Variants in PEX5L observed in about 807,000 individuals in gnomAD.
PEX5L encodes the protein peroxisomal biogenesis factor 5 like.
In PEX5L, 30 loss-of-function variants were observed where a neutral mutation model predicts 84.0. That is an observed-to-expected ratio of 0.36 (90% CI 0.27 to 0.48). PEX5L has a LOEUF of 0.48. Among genes scored for constraint, PEX5L ranks in the 20% least tolerant of loss-of-function variants. The pLI, the probability that PEX5L is intolerant of heterozygous loss-of-function variation, is 0.99. For missense variants in PEX5L, 533 were observed against 754.6 expected (o/e 0.71, Z 3.44); for synonymous variants, 270 against 283.1 (o/e 0.95, Z 0.46).
At position 180,015,668 on chromosome 3, in the gene PEX5L, T is replaced by C. The variant is rs540068162; in HGVS notation, c.21+20911A>G. Among the ~76,000 whole-genome samples, 5 of 152,092 alleles carry C rather than the reference T, an allele frequency of 3.3e-5. No homozygotes were observed. In the South Asian group the frequency reaches 1.0e-3, roughly 32 times the overall value. ...CTGAGAGGATGGCCATGGTTATTCA[T>C]GAACTAGAATTTCAGAGTTAGAGAG... On this transcript the variant is annotated intron_variant, in intron 1 of 14. Coordinates refer to ENST00000467460, the MANE Select transcript of PEX5L (RefSeq NM_016559.3).
In PEX5L at chr3:179,944,962, C is replaced by A. The variant is rs192956864; in HGVS notation, c.93+26632G>T. On this transcript the variant is annotated intron_variant, in intron 2 of 14. Transcript: ENST00000467460. Reference sequence around the variant, plus strand: ...CGCTTCACAAGGCAAGGTTGCCTGTCAATATGTTTATTTCTTGATAGCAGG... The same window carrying A: ...CGCTTCACAAGGCAAGGTTGCCTGTAAATATGTTTATTTCTTGATAGCAGG... Among the ~76,000 whole-genome samples the A allele has an allele frequency of 5.3e-5, 8 of 152,294 alleles. No homozygotes were observed. The East Asian group carries it at 1.5e-3, about 29-fold the overall frequency.
intron 10 of PEX5L, among the ~76,000 whole-genome samples, chr3:179,814,534 T>C (rs1348202525): frequency 6.6e-6 from 1 of 152,226 alleles, no homozygotes; most frequent in Admixed American, 6.5e-5. Flanking sequence ...CACCAGTATA[T>C]ATACCGGTCG....
At chr3:179,900,404 G>A (rs1760889412) in intron 2 of PEX5L, among the ~76,000 whole-genome samples, 1 of 151,928 alleles carries the variant, frequency 6.6e-6, no homozygotes, top group African/African-American at 2.4e-5. Context: ...CAATTGATAA[G>A]CATCTCAAAA....
intron 2 of PEX5L, among the ~76,000 whole-genome samples, chr3:179,968,450 T>C (rs1434082695): frequency 6.6e-6 from 1 of 152,110 alleles, no homozygotes; most frequent in Admixed American, 6.6e-5. Context: ...GCTTCACAAA[T>C]AATAAAAATA....
At chr3:179,942,644 C>T (rs939229314) in intron 2 of PEX5L, among the ~76,000 whole-genome samples, 1 of 152,246 alleles carries the variant, frequency 6.6e-6, no homozygotes, top group Non-Finnish European at 1.5e-5. Flanking sequence ...TCTGCCTTCA[C>T]TGGGACGCAC....
chr3:179,923,077 C>G (rs1417258503), intron 2 of PEX5L, among the ~76,000 whole-genome samples: 3 of 151,752 alleles, frequency 2.0e-5, no homozygotes, highest in Non-Finnish European at 4.4e-5. Context: ...ATCACGAAGT[C>G]AGGAGATCAA....
chr3:179,932,779 G>A (rs1773453804), intron 2 of PEX5L, among the ~76,000 whole-genome samples: 1 of 152,068 alleles, frequency 6.6e-6, no homozygotes, highest in Admixed American at 6.6e-5. Flanking sequence ...TGTACGATAT[G>A]ATGTTTTGAA....
chr3:179,933,858 C>CTGCT (rs1173789849), intron 2 of PEX5L, among the ~76,000 whole-genome samples: 1 of 152,210 alleles, frequency 6.6e-6, no homozygotes, highest in Non-Finnish European at 1.5e-5. Flanking sequence ...TGGTGCTGAC[C>CTGCT]TGCTGGTCTT....
chr3:179,860,818 T>C (rs1367651181), intron 7 of PEX5L, among the ~76,000 whole-genome samples: 2 of 152,250 alleles, frequency 1.3e-5, no homozygotes, highest in African/African-American at 4.8e-5. Context: ...GAGAGCTTAA[T>C]TCGCTTGCCC....
Position 179,942,279 on chromosome 3 carries a change from G to A in PEX5L, c.93+29315C>T, listed in dbSNP as rs1776352676. 1.3e-5 allele frequency among the ~76,000 whole-genome samples: 2 copies of A among 152,192 alleles called. 1 individual carries two copies. The highest frequency in any genetic ancestry group is 4.1e-4 in the South Asian group (2 of 4,832). Reference sequence around the variant, plus strand: ...TCTCCTCCGAGGGCTCCTTTTCGTGGCTGCTATTTCTGCTGCTTTGTTTTG... The same window carrying A: ...TCTCCTCCGAGGGCTCCTTTTCGTGACTGCTATTTCTGCTGCTTTGTTTTG... On this transcript the variant is annotated intron_variant, in intron 2 of 14. Transcript: ENST00000467460.
intron 4 of PEX5L, among the ~76,000 whole-genome samples, chr3:179,884,178 T>A (rs1755044060): frequency 6.6e-6 from 1 of 152,202 alleles, no homozygotes; most frequent in Non-Finnish European, 1.5e-5. Flanking sequence ...CCCCCTCTAA[T>A]ATGGCCACAT....
chr3:179,811,748 G>T, intron 11 of PEX5L, 53 bp downstream of exon 11: 1 of 1,249,948 alleles, frequency 8.0e-7, no homozygotes, highest in Non-Finnish European at 1.2e-6. Flanking sequence ...GAAACAGGAA[G>T]TTCATTAACA....
At chr3:179,979,251 A>T (rs1381155861) in intron 1 of PEX5L, among the ~76,000 whole-genome samples, 1 of 151,306 alleles carries the variant, frequency 6.6e-6, no homozygotes, top group African/African-American at 2.4e-5. Context: ...TCAAATTTTA[A>T]AAAAAAAACA....
At chr3:179,845,531 C>A (rs1738980668) in intron 8 of PEX5L, among the ~76,000 whole-genome samples, 1 of 152,156 alleles carries the variant, frequency 6.6e-6, no homozygotes, top group Non-Finnish European at 1.5e-5. Context: ...TACATTAAAA[C>A]AGATTAATAA....
chr3:179,929,645 C>G (rs1772460877), intron 2 of PEX5L, among the ~76,000 whole-genome samples: 1 of 152,166 alleles, frequency 6.6e-6, no homozygotes, highest in African/African-American at 2.4e-5. Context: ...GCCCCTGGTT[C>G]AGAGAGATGA....
rs1423945808 is a variant in PEX5L at position 179,801,525 on chromosome 3, A to G, written c.*303T>C. ...AGGGGAGACAAAAAACCCAAAGAACATGTGTTGCAATATGCTTGCAACTTG... is the reference window on the plus strand; with the variant it reads ...AGGGGAGACAAAAAACCCAAAGAACGTGTGTTGCAATATGCTTGCAACTTG... On this transcript the variant is annotated 3_prime_UTR_variant, in exon 15 of 15. Transcript: ENST00000467460. The G allele has an allele frequency of 1.4e-5, 4 of 282,364 alleles. No homozygotes were observed. Among genetic ancestry groups the G allele is most frequent in the African/African-American group, 8.6e-5 (4 of 46,602 alleles). The allele number at this position is 282,364 out of a possible 1,614,324, so 17.5% of individuals were successfully genotyped here. A position where few individuals can be genotyped will look rare whatever the true frequency, so the allele number is the denominator to read the frequency against.
At chr3:180,002,071 T>C (rs564028918) in intron 1 of PEX5L, among the ~76,000 whole-genome samples, 6 of 152,200 alleles carry the variant, frequency 3.9e-5, no homozygotes. Flanking sequence ...TAGCTCTATT[T>C]CATTCTTTTT....
intron 2 of PEX5L, among the ~76,000 whole-genome samples, chr3:179,935,065 A>T (rs1267117247): frequency 1.3e-5 from 2 of 152,110 alleles, no homozygotes; most frequent in Non-Finnish European, 2.9e-5. Context: ...AGAATTAAAA[A>T]AAAAAAAAGA....
chr3:179,817,865 A>T (rs1726759743), intron 9 of PEX5L, among the ~76,000 whole-genome samples: 1 of 152,178 alleles, frequency 6.6e-6, no homozygotes, highest in Non-Finnish European at 1.5e-5. Flanking sequence ...GTAAGGGGCT[A>T]TGGAGCTCAG....
Sources: allele counts gnomAD v4.1 joint callset (sites outside exome capture counted in the v4.1 genomes callset), GRCh38; gene constraint gnomAD v4.1.1; transcripts MANE v1.5; gene names NCBI Gene and HGNC (gene_info 2026-07-23, HGNC 2026-07-21).